Variants in ACADM observed in about 807,000 individuals in gnomAD.
The protein encoded by ACADM is acyl-CoA dehydrogenase medium chain.
Under a neutral mutation model 58.9 loss-of-function variants are expected in ACADM, and 49 were observed. That is an observed-to-expected ratio of 0.83 (90% confidence interval 0.66 to 1.06). ACADM has a LOEUF of 1.06. Among genes scored for constraint, ACADM ranks in the 50% least tolerant of loss-of-function variants. ACADM has a pLI of 0.00. For missense variants in ACADM, 496 were observed against 507.0 expected (o/e 0.98, Z 0.21); for synonymous variants, 160 against 157.7 (o/e 1.01, Z -0.11).
chr1:75,731,397 T>G (rs1471635698), intron 2 of ACADM, among the ~76,000 whole-genome samples: 2 of 151,918 alleles, frequency 1.3e-5, no homozygotes, highest in Non-Finnish European at 2.9e-5. Flanking sequence ...ACTGTAGTCT[T>G]AAACATTCCT....
At chr1:75,745,235 C>T (rs1647829189) in intron 7 of ACADM, among the ~76,000 whole-genome samples, 1 of 152,050 alleles carries the variant, frequency 6.6e-6, no homozygotes, top group South Asian at 2.1e-4. Flanking sequence ...ACCTGTAATC[C>T]CAGCACTTTA....
At chr1:75,739,567 G>A (rs1171559671) in intron 6 of ACADM, among the ~76,000 whole-genome samples, 2 of 152,304 alleles carry the variant, frequency 1.3e-5, no homozygotes, top group Admixed American at 6.5e-5. Flanking sequence ...ACTTTGGGAG[G>A]CTGAGGCAGA....
chr1:75,724,947 G>C, intron 1 of ACADM, 130 bp downstream of exon 1: 3 of 964,616 alleles, frequency 3.1e-6, no homozygotes, highest in Non-Finnish European at 4.2e-6. Context: ...AGCCAGCCTA[G>C]GGGCCCCCAA....
intron 10 of ACADM, among the ~76,000 whole-genome samples, chr1:75,758,080 C>T (rs1377416093): frequency 2.0e-5 from 3 of 151,782 alleles, no homozygotes; most frequent in African/African-American, 7.3e-5. Context: ...TTATTTTTTT[C>T]ATACAGAGTC....
At chr1:75,743,658 A>G (rs1193683332) in intron 7 of ACADM, 7 of 1,485,152 alleles carry the variant, frequency 4.7e-6, no homozygotes, top group Non-Finnish European at 6.6e-6. Context: ...AAACACCTCC[A>G]TTGCTAATGG....
rs774531501 is a variant in ACADM at position 75,724,821 on chromosome 1, A to G, written c.30+4A>G. On this transcript the variant is annotated splice_donor_region_variant and intron_variant, in intron 1 of 11. Coordinates refer to ENST00000370841, the MANE Select transcript of ACADM (RefSeq NM_000016.6). ...GGGGTTCGGGCGATGCTGCAGGGTG[A>G]GAGGGAGCCCAGCGGTGCGGTGGGG... 6 of 1,493,828 alleles carry G rather than the reference A, an allele frequency of 4.0e-6. No homozygotes were observed. The highest frequency in any genetic ancestry group is 2.2e-5 in the Admixed American group (1 of 45,206). 92.5% of individuals were successfully genotyped at this position (1,493,828 alleles called of 1,614,324 possible).
chr1:75,734,772 T>C lies in ACADM; in HGVS notation c.388-19T>C, dbSNP rs1553123252. The C allele has an allele frequency of 1.9e-6, 3 of 1,580,640 alleles. No individual in the cohort carries two copies. Among genetic ancestry groups the C allele is most frequent in the Middle Eastern group, 1.7e-4 (1 of 5,870 alleles). The stretch of plus-strand genomic sequence containing the variant: ...CAATAAAAATGACTTGATTTTTTAA[T>C]GTCAATTTTCTTCGGTAGCAAATGC... On this transcript the variant is annotated intron_variant, in intron 5 of 11. Coordinates refer to ENST00000370841, the MANE Select transcript of ACADM (RefSeq NM_000016.6).
At chr1:75,737,137 A>G (rs77426419) in intron 6 of ACADM, among the ~76,000 whole-genome samples, 6,408 of 151,064 alleles carry the variant, frequency 0.042, 186 homozygotes, top group African/African-American at 0.086. Context: ...TGATCAAATA[A>G]GAAGCCAAGA....
intron 10 of ACADM, among the ~76,000 whole-genome samples, chr1:75,752,923 G>A (rs974972365): frequency 6.6e-6 from 1 of 152,002 alleles, no homozygotes; most frequent in Admixed American, 6.6e-5. Flanking sequence ...CTTTTGTTAG[G>A]TACTCCAGAG....
intron 10 of ACADM, among the ~76,000 whole-genome samples, chr1:75,752,561 AT>A (rs2100426080): frequency 6.6e-6 from 1 of 152,238 alleles, no homozygotes; most frequent in East Asian, 1.9e-4. Context: ...TAGTTCTCTT[AT>A]CTTGTGCCTA....
intron 1 of ACADM, among the ~76,000 whole-genome samples, chr1:75,727,293 A>G (rs1035189566): frequency 6.6e-6 from 1 of 152,230 alleles, no homozygotes; most frequent in Admixed American, 6.5e-5. Flanking sequence ...TGAAATTGTC[A>G]TCTACAAAGA....
At chr1:75,760,264 C>CAAA (rs764807575) in intron 10 of ACADM, among the ~76,000 whole-genome samples, 1,995 of 51,162 alleles carry the variant, frequency 0.039, 133 homozygotes, top group South Asian at 0.083. Flanking sequence ...ACTAAAAATA[C>CAAA]AAAAAAAAAA....
chr1:75,743,965 A>G lies in ACADM; in HGVS notation c.600-1841A>G, dbSNP rs553663572. ...GCCTAGTTTGAGGTTATGTTTCTTC[A>G]AAAAAGCCTCTTTGTGCCGAGCCCT... On this transcript the variant is annotated intron_variant, in intron 7 of 11. Coordinates refer to ENST00000370841, the MANE Select transcript of ACADM (RefSeq NM_000016.6). The G allele has an allele frequency of 3.2e-6, 5 of 1,552,188 alleles. No homozygotes were observed. The Admixed American group carries it at 6.7e-5, about 21-fold the overall frequency.
chr1:75,746,590 A>G (rs1430284767), intron 8 of ACADM, among the ~76,000 whole-genome samples: 2 of 143,694 alleles, frequency 1.4e-5, no homozygotes, highest in African/African-American at 5.2e-5. Context: ...AATGAAGTCA[A>G]TAAAGTAATT....
chr1:75,761,069 A>G, intron 10 of ACADM, 53 bp from the exon 11 acceptor site: 1 of 1,551,346 alleles, frequency 6.4e-7, no homozygotes, highest in Non-Finnish European at 8.8e-7. Flanking sequence ...CCAGGAAAAA[A>G]CTTTTAAGTT....
chr1:75,753,416 CT>C (rs75573583), intron 10 of ACADM, among the ~76,000 whole-genome samples: 78 of 146,986 alleles, frequency 5.3e-4, no homozygotes, highest in Middle Eastern at 3.5e-3. Context: ...TTCCTATGAG[CT>C]TTTTTTTTTT....
chr1:75,756,166 A>G (rs1613433), intron 10 of ACADM, among the ~76,000 whole-genome samples: 56,474 of 151,612 alleles, frequency 0.37, 11,476 homozygotes, highest in African/African-American at 0.54. Flanking sequence ...AGACAGGGAT[A>G]CCTTCTCTCA....
intron 10 of ACADM, among the ~76,000 whole-genome samples, chr1:75,757,507 T>A (rs1054042316): frequency 5.9e-5 from 9 of 152,142 alleles, no homozygotes; most frequent in Non-Finnish European, 1.2e-4. Context: ...CACAATGAGA[T>A]ACCATCTCAT....
chr1:75,744,611 T>C, intron 7 of ACADM: 1 of 1,123,994 alleles, frequency 8.9e-7, no homozygotes. Context: ...AAGCGAACAC[T>C]GAAGACACTG....
Sources: gnomAD v4.1 joint callset for allele counts (sites outside exome capture counted in the v4.1 genomes callset) on GRCh38, gnomAD v4.1.1 for gene constraint, MANE v1.5 for transcripts, NCBI Gene and HGNC (gene_info 2026-07-23, HGNC 2026-07-21) for gene names.